Variants in GRIK3 observed in about 807,000 individuals in gnomAD.
The protein encoded by GRIK3 is glutamate receptor ionotropic, kainate 3.
In GRIK3, 29 loss-of-function variants were observed where a neutral mutation model predicts 102.5. The ratio of observed to expected loss-of-function variants is 0.28; its 90% CI spans 0.21 to 0.39. The LOEUF is 0.39. GRIK3 is among the 10% of genes least tolerant of loss of function. The probability of loss-of-function intolerance (pLI) is 1.00; values close to 1 mark genes in which losing one functional copy is unlikely to be tolerated. For synonymous variants in GRIK3, 511 were observed against 504.9 expected, an observed-to-expected ratio of 1.01 and a Z score of -0.16; for missense variants, 908 against 1,252.4, an observed-to-expected ratio of 0.73 and a Z score of 4.15.
intron 1 of GRIK3, among the ~76,000 whole-genome samples, chr1:36,975,632 C>G (rs1056380719): frequency 2.0e-5 from 3 of 152,138 alleles, no homozygotes; most frequent in African/African-American, 7.2e-5. Context: ...AGTAAATGAT[C>G]ATGGAGATCG....
In GRIK3 at chr1:36,795,831, C is replaced by G. The variant is rs1043994850; in HGVS notation, c.*6020G>C. ...AGTGGGAGTGGGGGGCGTCCAGGCA[C>G]TCTGGTCTGGGTGGTGGGACAGGTC... On this transcript the variant is annotated 3_prime_UTR_variant, in exon 16 of 16. Transcript: ENST00000373091. The G allele has an allele frequency of 4.6e-5, 7 of 152,342 alleles. No homozygotes were observed. Among genetic ancestry groups the G allele is most frequent in the Non-Finnish European group, 1.0e-4 (7 of 68,056 alleles). The allele number at this position is 152,342 out of a possible 1,614,324, so 9.4% of individuals were successfully genotyped here. A position where few individuals can be genotyped will look rare whatever the true frequency, so the allele number is the denominator to read the frequency against.
chr1:36,887,000 T>G (rs1321203987), intron 2 of GRIK3, among the ~76,000 whole-genome samples: 1 of 152,252 alleles, frequency 6.6e-6, no homozygotes, highest in Non-Finnish European at 1.5e-5. Context: ...CTCCTACTGA[T>G]GGACCTTTAA....
intron 1 of GRIK3, among the ~76,000 whole-genome samples, chr1:36,997,320 C>T (rs1441025017): frequency 6.6e-6 from 1 of 152,188 alleles, no homozygotes; most frequent in African/African-American, 2.4e-5. Context: ...TGTCTCAAAT[C>T]AGGATTTAAT....
chr1:37,017,404 A>AAAG (rs1642664252), intron 1 of GRIK3, among the ~76,000 whole-genome samples: 1 of 146,390 alleles, frequency 6.8e-6, no homozygotes, highest in African/African-American at 2.7e-5. Flanking sequence ...AAGAAGAAGA[A>AAAG]AAAAAGGTGT....
chr1:36,857,499 A>G (rs1640666468), intron 7 of GRIK3, among the ~76,000 whole-genome samples: 1 of 152,226 alleles, frequency 6.6e-6, no homozygotes, highest in Non-Finnish European at 1.5e-5. Context: ...TGAAGGAACT[A>G]CAAGGGACTC....
intron 1 of GRIK3, among the ~76,000 whole-genome samples, chr1:36,954,074 G>A (rs1641875863): frequency 6.6e-6 from 1 of 152,234 alleles, no homozygotes; most frequent in African/African-American, 2.4e-5. Flanking sequence ...CTAGGTGCAA[G>A]GGGTCAAGGG....
chr1:37,009,181 G>A (rs550886616), intron 1 of GRIK3, among the ~76,000 whole-genome samples: 2 of 152,214 alleles, frequency 1.3e-5, no homozygotes, highest in Non-Finnish European at 2.9e-5. Flanking sequence ...GAGCACTCAG[G>A]AAATGTTAAG....
intron 3 of GRIK3, among the ~76,000 whole-genome samples, chr1:36,878,871 C>G (rs1640936532): frequency 1.3e-5 from 2 of 152,156 alleles, no homozygotes; most frequent in South Asian, 4.1e-4. Context: ...ACACTTGCAC[C>G]ACTTGGTTCG....
At chr1:37,012,805 G>C (rs1043210029) in intron 1 of GRIK3, among the ~76,000 whole-genome samples, 37 of 152,192 alleles carry the variant, frequency 2.4e-4, no homozygotes, top group Non-Finnish European at 4.6e-4. Context: ...GTTTCTTCAT[G>C]TGCAAACTGG....
At chr1:37,003,826 G>C (rs932926562) in intron 1 of GRIK3, among the ~76,000 whole-genome samples, 1 of 152,110 alleles carries the variant, frequency 6.6e-6, no homozygotes, top group African/African-American at 2.4e-5. Context: ...ACCCTGCTGG[G>C]CTGAAGGGGC....
chr1:37,000,090 C>T (rs1404107985), intron 1 of GRIK3, among the ~76,000 whole-genome samples: 1 of 152,216 alleles, frequency 6.6e-6, no homozygotes, highest in Non-Finnish European at 1.5e-5. Flanking sequence ...GATGCAGGCT[C>T]TCTGAGGCCC....
At chr1:36,807,851 A>G (rs181355971) in intron 13 of GRIK3, among the ~76,000 whole-genome samples, 142 of 152,234 alleles carry the variant, frequency 9.3e-4, no homozygotes, top group Middle Eastern at 3.4e-3. Flanking sequence ...CCACTCCCCA[A>G]CCTACAAATT....
chr1:36,899,466 T>C (rs183535536), intron 1 of GRIK3, among the ~76,000 whole-genome samples: 2 of 151,706 alleles, frequency 1.3e-5, no homozygotes, highest in African/African-American at 4.8e-5. Context: ...GTACTTAGAG[T>C]AGCCAAAATC....
chr1:36,953,046 C>T (rs541955232), intron 1 of GRIK3, among the ~76,000 whole-genome samples: 6 of 152,262 alleles, frequency 3.9e-5, no homozygotes, highest in South Asian at 2.1e-4. Flanking sequence ...TGAGGAGGAG[C>T]GGGAGGAGGA....
chr1:37,027,519 G>C (rs1179471725), intron 1 of GRIK3, among the ~76,000 whole-genome samples: 1 of 152,116 alleles, frequency 6.6e-6, no homozygotes, highest in Non-Finnish European at 1.5e-5. Flanking sequence ...GGCCTCCTTA[G>C]AGTCAGCTCC....
At chr1:37,009,886 G>A (rs1384761464) in intron 1 of GRIK3, among the ~76,000 whole-genome samples, 1 of 152,110 alleles carries the variant, frequency 6.6e-6, no homozygotes, top group African/African-American at 2.4e-5. Context: ...GCAGGGGTGG[G>A]GACTGTTGGG....
chr1:36,852,611 G>GAAC (rs2124230115), intron 8 of GRIK3, among the ~76,000 whole-genome samples: 1 of 152,334 alleles, frequency 6.6e-6, no homozygotes, highest in South Asian at 2.1e-4. Context: ...GAGGGCTCAA[G>GAAC]AACCAGGGCG....
Position 37,034,179 on chromosome 1 carries a change from G to C in GRIK3, c.-71C>G, listed in dbSNP as rs1642861993. The C allele has an allele frequency of 3.5e-6, 2 of 565,170 alleles. No individual in the cohort carries two copies. The highest frequency in any genetic ancestry group is 4.9e-5 in the Admixed American group (1 of 20,312). The allele number at this position is 565,170 out of a possible 1,614,324, so 35.0% of individuals were successfully genotyped here. A position where few individuals can be genotyped will look rare whatever the true frequency, so the allele number is the denominator to read the frequency against. ...CCCTGGGGCGGCAGCTCTAGGCGCG[G>C]GCGCGCAGCAGCCCCGAAGGCGCCG... On this transcript the variant is annotated 5_prime_UTR_variant, in exon 1 of 16. Transcript: ENST00000373091.
intron 1 of GRIK3, among the ~76,000 whole-genome samples, chr1:36,967,337 C>T (rs934903058): frequency 6.6e-6 from 1 of 152,240 alleles, no homozygotes; most frequent in African/African-American, 2.4e-5. Context: ...CACTCTGAAG[C>T]TTTTCTCTGC....
Sources: gnomAD v4.1 joint callset for allele counts (sites outside exome capture counted in the v4.1 genomes callset) on GRCh38, gnomAD v4.1.1 for gene constraint, MANE v1.5 for transcripts, NCBI Gene and HGNC (gene_info 2026-07-23, HGNC 2026-07-21) for gene names.